The following PCDHGA3 variants were observed in gnomAD, a reference collection of about 807,000 sequenced individuals.
PCDHGA3 encodes the protein protocadherin gamma-A3.
A neutral mutation model predicts 58.5 loss-of-function variants in PCDHGA3; 40 were observed. That is an observed-to-expected ratio of 0.68 (90% CI 0.53 to 0.89). The LOEUF is 0.89. PCDHGA3 is among the 40% of genes least tolerant of loss of function. The pLI is 0.00. For synonymous variants in PCDHGA3, 530 were observed against 525.7 expected (o/e 1.01, Z -0.11); for missense variants, 1,223 against 1,195.9 (o/e 1.02, Z -0.33).
intron 1 of PCDHGA3, among the ~76,000 whole-genome samples, chr5:141,358,974 C>A (rs1440988356): frequency 1.3e-5 from 2 of 152,270 alleles, no homozygotes; most frequent in African/African-American, 2.4e-5. Flanking sequence ...TGTGAGAATT[C>A]AAAATTCATG....
At chr5:141,347,021 T>C (rs71583642) in intron 1 of PCDHGA3, among the ~76,000 whole-genome samples, 1 of 151,100 alleles carries the variant, frequency 6.6e-6, no homozygotes, top group Non-Finnish European at 1.5e-5. Context: ...TCCTCTCTCT[T>C]TCCTCCTTCC....
chr5:141,357,205 C>T (rs1292971375), intron 1 of PCDHGA3: 1 of 1,613,850 alleles, frequency 6.2e-7, no homozygotes, highest in Non-Finnish European at 8.5e-7. Context: ...CGACAGCATC[C>T]CAGATGTCCT....
At chr5:141,497,969 C>T (rs1595499086) in intron 2 of PCDHGA3, among the ~76,000 whole-genome samples, 1 of 152,160 alleles carries the variant, frequency 6.6e-6, no homozygotes. Flanking sequence ...GCAGTGTTCT[C>T]GATGTGGGAG....
intron 1 of PCDHGA3, chr5:141,384,574 C>G (rs1229577686): frequency 1.9e-6 from 3 of 1,614,228 alleles, no homozygotes; most frequent in South Asian, 1.1e-5. Flanking sequence ...GAATGACAAC[C>G]CGCCCGAGAT....
rs2099883868 is a variant in PCDHGA3 at position 141,511,590 on chromosome 5, A to G, written c.*417A>G. On this transcript the variant is annotated 3_prime_UTR_variant, in exon 4 of 4. Transcript: ENST00000253812. The stretch of plus-strand genomic sequence containing the variant: ...AGTAAGGTGGTTGGGGTGTTGAAGT[A>G]CCAAGTAACCTACAAGCCTCCTAGT... 3.7e-6 allele frequency: 1 copy of G among 267,908 alleles called. No individual in the cohort carries two copies. The highest frequency in any genetic ancestry group is 7.4e-6 in the Non-Finnish European group (1 of 135,038). 16.6% of individuals were successfully genotyped at this position (267,908 alleles called of 1,614,324 possible). A position where few individuals can be genotyped will look rare whatever the true frequency, so the allele number is the denominator to read the frequency against.
At chr5:141,372,078 G>C in intron 1 of PCDHGA3, 1 of 1,613,738 alleles carries the variant, frequency 6.2e-7, no homozygotes. Context: ...TGCACCGCTG[G>C]TGCTGTACCC....
intron 3 of PCDHGA3, among the ~76,000 whole-genome samples, chr5:141,510,147 C>T (rs1416633745): frequency 1.3e-5 from 2 of 151,984 alleles, no homozygotes; most frequent in Non-Finnish European, 2.9e-5. Flanking sequence ...GTGGTGTGCA[C>T]CTGTAATCTC....
chr5:141,383,537 C>G, intron 1 of PCDHGA3: 2 of 1,612,570 alleles, frequency 1.2e-6, no homozygotes, highest in Non-Finnish European at 1.7e-6. Context: ...CTGGTCCTCA[C>G]AGCCTCTGAT....
rs754652710 is a variant in PCDHGA3 at position 141,476,367 on chromosome 5, G to A, written c.2425-18440G>A. Reference sequence around the variant, plus strand: ...TTCTTTGAGGTGAACCGGGAGACCGGAGAGATGTTTGTGAACGACCGTCTG... The same window carrying A: ...TTCTTTGAGGTGAACCGGGAGACCGAAGAGATGTTTGTGAACGACCGTCTG... On this transcript the variant is annotated intron_variant, in intron 1 of 3. Coordinates refer to ENST00000253812, the MANE Select transcript of PCDHGA3 (RefSeq NM_018916.4). The surrounding 1 kb of genome is among the most constrained non-coding windows in gnomAD (Gnocchi z 7.6). The A allele has an allele frequency of 2.5e-6, 4 of 1,614,172 alleles. No homozygotes were observed. In the South Asian group the frequency reaches 3.3e-5, roughly 13 times the overall value.
chr5:141,477,765 A>C lies in PCDHGA3; in HGVS notation c.2425-17042A>C, dbSNP rs752391870. The C allele has an allele frequency of 6.2e-7, 1 of 1,614,026 alleles. No individual in the cohort carries two copies. Among genetic ancestry groups the C allele is most frequent in the Non-Finnish European group, 8.5e-7 (1 of 1,180,036 alleles). Reference sequence around the variant, plus strand: ...GGGGGCACCCCGGTCCTAGCCACCAACATCAGCGTGAACATATTTGTCACT... The same window carrying C: ...GGGGGCACCCCGGTCCTAGCCACCACCATCAGCGTGAACATATTTGTCACT... On this transcript the variant is annotated intron_variant, in intron 1 of 3. Coordinates refer to ENST00000253812, the MANE Select transcript of PCDHGA3 (RefSeq NM_018916.4). The surrounding 1 kb of genome is among the most constrained non-coding windows in gnomAD (Gnocchi z 4.9).
chr5:141,364,847 A>G (rs572371084), intron 1 of PCDHGA3: 2 of 1,614,006 alleles, frequency 1.2e-6, no homozygotes, highest in Admixed American at 1.7e-5. Flanking sequence ...TTACCAGCTC[A>G]GCTCCAATCT....
chr5:141,360,033 C>G, intron 1 of PCDHGA3: 1 of 1,391,410 alleles, frequency 7.2e-7, no homozygotes, highest in Non-Finnish European at 9.5e-7. Context: ...AGTATAGATT[C>G]GGAAACAGAA....
In PCDHGA3 at chr5:141,487,930, G is replaced by T; in HGVS notation, c.2425-6877G>T. On this transcript the variant is annotated intron_variant, in intron 1 of 3. Coordinates refer to ENST00000253812, the MANE Select transcript of PCDHGA3 (RefSeq NM_018916.4). This position sits in a 1 kb window ranked among gnomAD's most constrained non-coding sequence, Gnocchi z 5.0. Reference sequence around the variant, plus strand: ...GAGCACAGGAGGCTACAGTGCACAGGGTACAGTGCACCAGGCAGTCACTTG... The same window carrying T: ...GAGCACAGGAGGCTACAGTGCACAGTGTACAGTGCACCAGGCAGTCACTTG... 2 of 613,220 alleles carry T rather than the reference G, an allele frequency of 3.3e-6. No homozygotes were observed. Among genetic ancestry groups the T allele is most frequent in the African/African-American group, 1.8e-5 (1 of 54,186 alleles). 38.0% of individuals were successfully genotyped at this position (613,220 alleles called of 1,614,324 possible).
intron 1 of PCDHGA3, among the ~76,000 whole-genome samples, chr5:141,480,911 G>A (rs2154578422): frequency 6.6e-6 from 1 of 152,218 alleles, no homozygotes; most frequent in East Asian, 1.9e-4. Flanking sequence ...TGGGCATGGT[G>A]GCGCATACCT....
At chr5:141,459,287 G>A (rs1362981410) in intron 1 of PCDHGA3, among the ~76,000 whole-genome samples, 1 of 152,136 alleles carries the variant, frequency 6.6e-6, no homozygotes, top group African/African-American at 2.4e-5. Context: ...TCATCTAAAT[G>A]GAATCCTATA....
chr5:141,393,250 C>G, intron 1 of PCDHGA3: 11 of 1,613,824 alleles, frequency 6.8e-6, no homozygotes, highest in South Asian at 1.1e-5. Flanking sequence ...AACGAAATCG[C>G]GGTTCCTGGA....
At chr5:141,495,257 A>T (rs1411983517) in intron 2 of PCDHGA3, among the ~76,000 whole-genome samples, 1 of 152,200 alleles carries the variant, frequency 6.6e-6, no homozygotes, top group Non-Finnish European at 1.5e-5. Context: ...CTCAGGCAGA[A>T]AAGCATTTGA....
At chr5:141,506,934 G>A (rs187503673) in intron 3 of PCDHGA3, among the ~76,000 whole-genome samples, 54 of 152,232 alleles carry the variant, frequency 3.5e-4, no homozygotes, top group African/African-American at 1.3e-3. Flanking sequence ...AAACTTTAGG[G>A]GCCTCCTGTC....
intron 1 of PCDHGA3, among the ~76,000 whole-genome samples, chr5:141,458,449 A>G (rs1483902182): frequency 6.6e-6 from 1 of 152,086 alleles, no homozygotes; most frequent in Non-Finnish European, 1.5e-5. Context: ...CCACATTAAC[A>G]ATTTTTAAAA....
Sources: allele counts gnomAD v4.1 joint callset (sites outside exome capture counted in the v4.1 genomes callset), GRCh38; gene constraint gnomAD v4.1.1; non-coding constraint Gnocchi (gnomAD v3.1); transcripts MANE v1.5; gene names NCBI Gene and HGNC (gene_info 2026-07-23, HGNC 2026-07-21).